DTNA: variants seen among roughly 807,000 people sequenced by gnomAD.
DTNA encodes dystrophin-related protein 3.
In DTNA, 43 loss-of-function variants were observed where a neutral mutation model predicts 100.7. The ratio of observed to expected loss-of-function variants is 0.43; its 90% CI spans 0.33 to 0.55. The LOEUF is 0.55. DTNA is among the 20% of genes least tolerant of loss of function. The pLI is 0.04. For missense variants in DTNA, 798 were observed against 953.9 expected, an observed-to-expected ratio of 0.84 and a Z score of 2.15; for synonymous variants, 349 against 347.9, an observed-to-expected ratio of 1.00 and a Z score of -0.04.
chr18:34,715,107 A>G (rs1419740238), intron 1 of DTNA, among the ~76,000 whole-genome samples: 1 of 151,766 alleles, frequency 6.6e-6, no homozygotes, highest in East Asian at 1.9e-4. Flanking sequence ...ACCTAATGCT[A>G]GATGACGAGT....
intron 1 of DTNA, among the ~76,000 whole-genome samples, chr18:34,735,557 T>G (rs1012744483): frequency 6.6e-6 from 1 of 152,186 alleles, no homozygotes; most frequent in Admixed American, 6.6e-5. Flanking sequence ...TTTATTATTA[T>G]TATTACCATT....
chr18:34,523,592 C>T (rs1329115866), intron 1 of DTNA, among the ~76,000 whole-genome samples: 2 of 152,118 alleles, frequency 1.3e-5, no homozygotes, highest in African/African-American at 2.4e-5. Context: ...ATTTATATTT[C>T]ACCTTGCACT....
At chr18:34,769,457 C>T (rs1043244327) in intron 3 of DTNA, among the ~76,000 whole-genome samples, 3 of 152,150 alleles carry the variant, frequency 2.0e-5, no homozygotes, top group African/African-American at 7.2e-5. Flanking sequence ...GGAGTTTTTC[C>T]CTACAGTAAA....
chr18:34,625,115 A>G (rs1401545832), intron 1 of DTNA, among the ~76,000 whole-genome samples: 3 of 151,786 alleles, frequency 2.0e-5, no homozygotes, highest in South Asian at 2.1e-4. Context: ...GCTCACTGCA[A>G]TCTCCACCAC....
intron 1 of DTNA, among the ~76,000 whole-genome samples, chr18:34,666,029 A>G (rs1048026755): frequency 1.9e-4 from 29 of 152,228 alleles, no homozygotes; most frequent in Admixed American, 3.9e-4. Context: ...ACTAGTTTAC[A>G]GTCCCACCAA....
chr18:34,804,391 G>T (rs938813718), intron 4 of DTNA, among the ~76,000 whole-genome samples: 9 of 152,162 alleles, frequency 5.9e-5, no homozygotes, highest in African/African-American at 2.2e-4. Flanking sequence ...TGTGATATGA[G>T]TGTGCAAGCA....
At chr18:34,726,969 C>T (rs1201939338) in intron 1 of DTNA, among the ~76,000 whole-genome samples, 2 of 152,228 alleles carry the variant, frequency 1.3e-5, no homozygotes, top group Admixed American at 1.3e-4. Flanking sequence ...TCTGATACAT[C>T]CTCTGGAATC....
chr18:34,734,626 T>C (rs903103536), intron 1 of DTNA, among the ~76,000 whole-genome samples: 2 of 152,182 alleles, frequency 1.3e-5, no homozygotes, highest in Non-Finnish European at 2.9e-5. Flanking sequence ...CAGTGTCTGC[T>C]TCTGAAGCTG....
intron 1 of DTNA, among the ~76,000 whole-genome samples, chr18:34,500,344 T>C (rs1259170462): frequency 1.3e-5 from 2 of 151,232 alleles, no homozygotes; most frequent in Non-Finnish European, 2.9e-5. Context: ...GTTGAGGTAT[T>C]CAGTGCAAAT....
chr18:34,712,176 C>CA (rs1002448972), intron 1 of DTNA, among the ~76,000 whole-genome samples: 1 of 151,090 alleles, frequency 6.6e-6, no homozygotes, highest in Middle Eastern at 3.4e-3. Flanking sequence ...CAGAGAGAGA[C>CA]AAAAAAATGA....
chr18:34,741,425 T>C (rs549595542), intron 1 of DTNA, among the ~76,000 whole-genome samples: 1 of 152,346 alleles, frequency 6.6e-6, no homozygotes, highest in Admixed American at 6.5e-5. Flanking sequence ...TTTACCTCTA[T>C]TAAATTTGTT....
chr18:34,654,546 T>G lies in DTNA; in HGVS notation c.-1-101430T>G, dbSNP rs190434965. On this transcript the variant is annotated intron_variant, in intron 1 of 19. Transcript: ENST00000283365. Reference sequence around the variant, plus strand: ...AGAACACACGCAGTACCTTTAATACTAACTGCAACAAAGTTAAATATGAAA... The same window carrying G: ...AGAACACACGCAGTACCTTTAATACGAACTGCAACAAAGTTAAATATGAAA... Among the ~76,000 whole-genome samples, 344 of 152,326 alleles carry G rather than the reference T, an allele frequency of 2.3e-3. 1 individual carries two copies. Among genetic ancestry groups the G allele is most frequent in the South Asian group, 5.0e-3 (24 of 4,830 alleles).
At chr18:34,717,643 G>C (rs2084322227) in intron 1 of DTNA, among the ~76,000 whole-genome samples, 1 of 152,154 alleles carries the variant, frequency 6.6e-6, no homozygotes, top group Non-Finnish European at 1.5e-5. Context: ...TAGTAGTGCA[G>C]AGTTCCTTGA....
chr18:34,494,274 C>T (rs2038922481), intron 1 of DTNA, among the ~76,000 whole-genome samples: 1 of 151,478 alleles, frequency 6.6e-6, no homozygotes, highest in African/African-American at 2.4e-5. Flanking sequence ...GCGTTGGGTT[C>T]CTTTGCAGCC....
In DTNA at chr18:34,888,578, A is replaced by G. The variant is rs533777469; in HGVS notation, c.*844A>G. ...ATTCAAAAAAGGCAGCATTCAAATT[A>G]TATAGAATCTAGTTTTTAAAATCAG... On this transcript the variant is annotated 3_prime_UTR_variant, in exon 23 of 23. Coordinates refer to ENST00000444659, the MANE Select transcript of DTNA (RefSeq NM_001386795.1). 2 of 985,806 alleles carry G rather than the reference A, an allele frequency of 2.0e-6. No individual in the cohort carries two copies. The highest frequency in any genetic ancestry group is 6.1e-5 in the Admixed American group (1 of 16,290). 61.1% of individuals were successfully genotyped at this position (985,806 alleles called of 1,614,324 possible).
intron 13 of DTNA, among the ~76,000 whole-genome samples, chr18:34,841,071 TC>T (rs1230656933): frequency 6.7e-6 from 1 of 150,148 alleles, no homozygotes; most frequent in Non-Finnish European, 1.5e-5. Context: ...ATACATAATT[TC>T]TCCTAGTCCT....
intron 1 of DTNA, among the ~76,000 whole-genome samples, chr18:34,550,041 G>A (rs1046756797): frequency 2.6e-5 from 4 of 151,978 alleles, no homozygotes; most frequent in African/African-American, 9.7e-5. Context: ...CATACTCTCT[G>A]CCTTAAAAAT....
intron 16 of DTNA, 105 bp downstream of exon 16, chr18:34,858,503 C>A: frequency 3.5e-6 from 4 of 1,133,720 alleles, no homozygotes; most frequent in Non-Finnish European, 5.3e-6. Flanking sequence ...ACCTTAGCTG[C>A]TGACATTTGT....
At chr18:34,788,411 T>A (rs1233120986) in intron 3 of DTNA, among the ~76,000 whole-genome samples, 7 of 152,166 alleles carry the variant, frequency 4.6e-5, no homozygotes, top group Non-Finnish European at 1.5e-5. Context: ...GTGAAGTATC[T>A]CATTTGACCC....
Sources: gnomAD v4.1 joint callset for allele counts (sites outside exome capture counted in the v4.1 genomes callset) on GRCh38, gnomAD v4.1.1 for gene constraint, MANE v1.5 for transcripts, NCBI Gene and HGNC (gene_info 2026-07-23, HGNC 2026-07-21) for gene names.